The following STK32B variants were observed in gnomAD, a reference collection of about 807,000 sequenced individuals.
STK32B encodes the protein serine/threonine kinase 32B, also known as serine/threonine-protein kinase 32B.
Under a neutral mutation model 52.6 loss-of-function variants are expected in STK32B, and 43 were observed. That is an observed-to-expected ratio of 0.82 (90% confidence interval 0.64 to 1.05). STK32B has a LOEUF of 1.05. Ranked by LOEUF, STK32B falls within the 50% of genes least tolerant of loss-of-function variation. The pLI is 0.00. For missense variants in STK32B, 621 were observed against 534.6 expected (o/e 1.16, Z -1.59); for synonymous variants, 238 against 204.3 (o/e 1.17, Z -1.41).
chr4:5,362,806 A>G (rs559416233), intron 4 of STK32B, among the ~76,000 whole-genome samples: 10 of 152,306 alleles, frequency 6.6e-5, no homozygotes, highest in African/African-American at 2.4e-4. Flanking sequence ...CCCTGAGGCA[A>G]AGGCACCTGG....
intron 3 of STK32B, among the ~76,000 whole-genome samples, chr4:5,317,236 T>TATATAATATATAACATATAAC (rs1560313387): frequency 1.8e-5 from 1 of 56,616 alleles, no homozygotes. Context: ...ATATATAACA[T>TATATAATATATAACATATAAC]ATATATATTA....
chr4:5,458,531 G>C (rs1285146371), intron 8 of STK32B: 1 of 152,222 alleles, frequency 6.6e-6, no homozygotes, highest in African/African-American at 2.4e-5. Flanking sequence ...GCAGGATTTT[G>C]ATCCAAACTC....
intron 11 of STK32B, among the ~76,000 whole-genome samples, chr4:5,495,244 G>T (rs1045228703): frequency 6.6e-6 from 1 of 152,178 alleles, no homozygotes. Context: ...TTTTCACATA[G>T]TCCCATATTT....
At chr4:5,301,287 G>A (rs1205062123) in intron 3 of STK32B, among the ~76,000 whole-genome samples, 1 of 152,030 alleles carries the variant, frequency 6.6e-6, no homozygotes, top group Non-Finnish European at 1.5e-5. Flanking sequence ...TTGCTAGAAA[G>A]CATCGGAAAG....
chr4:5,232,807 G>A (rs776064409), intron 3 of STK32B, among the ~76,000 whole-genome samples: 1 of 152,154 alleles, frequency 6.6e-6, no homozygotes, highest in Non-Finnish European at 1.5e-5. Flanking sequence ...CCTGCCCTGT[G>A]CCCCACACCA....
intron 6 of STK32B, among the ~76,000 whole-genome samples, chr4:5,431,872 C>A (rs566150654): frequency 6.6e-6 from 1 of 152,112 alleles, no homozygotes; most frequent in African/African-American, 2.4e-5. Context: ...ATAAATTACC[C>A]CCCAAAGGAT....
intron 6 of STK32B, chr4:5,437,970 G>A: frequency 1.0e-6 from 1 of 985,468 alleles, no homozygotes; most frequent in Non-Finnish European, 1.2e-6. Flanking sequence ...ACCTTCTCTA[G>A]GACTGCAGAC....
At chr4:5,168,567 G>T in intron 3 of STK32B, 117 bp downstream of exon 3, 1 of 1,238,950 alleles carries the variant, frequency 8.1e-7, no homozygotes, top group Non-Finnish European at 1.1e-6. Context: ...CAATTTTCTG[G>T]GTTCAGTTAT....
At chr4:5,200,783 C>A (rs1722077514) in intron 3 of STK32B, among the ~76,000 whole-genome samples, 1 of 152,178 alleles carries the variant, frequency 6.6e-6, no homozygotes, top group Non-Finnish European at 1.5e-5. Context: ...TTTCACCAAG[C>A]ATCACATCAA....
chr4:5,385,557 G>T (rs1577426729), intron 4 of STK32B, among the ~76,000 whole-genome samples: 1 of 152,014 alleles, frequency 6.6e-6, no homozygotes, highest in African/African-American at 2.4e-5. Flanking sequence ...GGCATGCTCC[G>T]GCAAGATTAC....
At chr4:5,056,860 A>G (rs1421048149) in intron 1 of STK32B, among the ~76,000 whole-genome samples, 1 of 152,208 alleles carries the variant, frequency 6.6e-6, no homozygotes, top group African/African-American at 2.4e-5. Context: ...CCCAAGGGAT[A>G]TTGGAGTATC....
At chr4:5,184,504 A>T (rs1720588694) in intron 3 of STK32B, among the ~76,000 whole-genome samples, 1 of 152,078 alleles carries the variant, frequency 6.6e-6, no homozygotes, top group Non-Finnish European at 1.5e-5. Flanking sequence ...TCTGGCCAAC[A>T]TGGTGAAACC....
At chr4:5,225,015 A>T (rs1233967230) in intron 3 of STK32B, among the ~76,000 whole-genome samples, 1 of 152,194 alleles carries the variant, frequency 6.6e-6, no homozygotes, top group African/African-American at 2.4e-5. Flanking sequence ...ATTTTAGAGC[A>T]GTGGTTTGCA....
intron 7 of STK32B, among the ~76,000 whole-genome samples, chr4:5,450,788 C>T (rs893814560): frequency 5.9e-5 from 9 of 152,204 alleles, no homozygotes; most frequent in African/African-American, 1.7e-4. Flanking sequence ...ACTCAGGAAA[C>T]ATCCCCCTAT....
chr4:5,342,203 T>G (rs1440314304), intron 4 of STK32B, among the ~76,000 whole-genome samples: 1 of 152,130 alleles, frequency 6.6e-6, no homozygotes, highest in Admixed American at 6.5e-5. Context: ...TTACCAGGTA[T>G]TTACCCAAAG....
chr4:5,199,308 A>G (rs1721939565), intron 3 of STK32B, among the ~76,000 whole-genome samples: 1 of 152,236 alleles, frequency 6.6e-6, no homozygotes, highest in East Asian at 1.9e-4. Context: ...AGGTGTAGCC[A>G]GGAGTGGTAC....
chr4:5,117,870 A>G (rs1714822011), intron 1 of STK32B, among the ~76,000 whole-genome samples: 1 of 152,098 alleles, frequency 6.6e-6, no homozygotes, highest in Admixed American at 6.5e-5. Flanking sequence ...AGATTTGTGT[A>G]TGTTGAACCA....
intron 2 of STK32B, among the ~76,000 whole-genome samples, chr4:5,164,977 G>A (rs995507521): frequency 3.9e-5 from 6 of 152,198 alleles, no homozygotes; most frequent in African/African-American, 1.2e-4. Context: ...AGTCCAGAGC[G>A]GCTGAGGTTT....
chr4:5,257,719 G>A (rs985096551), intron 3 of STK32B, among the ~76,000 whole-genome samples: 3 of 152,224 alleles, frequency 2.0e-5, no homozygotes, highest in African/African-American at 7.2e-5. Context: ...AAGGTGGGTG[G>A]ATCACCTGAG....
Sources: gnomAD v4.1 joint callset for allele counts (sites outside exome capture counted in the v4.1 genomes callset) on GRCh38, gnomAD v4.1.1 for gene constraint, MANE v1.5 for transcripts, NCBI Gene and HGNC (gene_info 2026-07-23, HGNC 2026-07-21) for gene names.